Variants in CACNA1A observed in about 807,000 individuals in gnomAD.
The protein encoded by CACNA1A is voltage-dependent P/Q-type calcium channel subunit alpha-1A.
CACNA1A carries 57 observed loss-of-function variants against 262.4 expected under a neutral mutation model. That is an observed-to-expected ratio of 0.22 (90% CI 0.18 to 0.27). CACNA1A has a LOEUF of 0.27. CACNA1A is among the 10% of genes least tolerant of loss of function. CACNA1A has a pLI of 1.00. For synonymous variants in CACNA1A, 1,431 were observed against 1,419.3 expected, an observed-to-expected ratio of 1.01 and a Z score of -0.18; for missense variants, 2,526 against 3,562.8, an observed-to-expected ratio of 0.71 and a Z score of 7.41.
At chr19:13,343,115 CT>C (rs956703784) in intron 6 of CACNA1A, among the ~76,000 whole-genome samples, 1 of 145,550 alleles carries the variant, frequency 6.9e-6, no homozygotes, top group Non-Finnish European at 1.5e-5. Context: ...GTCTTTCTTT[CT>C]TTTTTTTCTT....
At chr19:13,262,484 G>T (rs1385758728) in intron 25 of CACNA1A, 2 of 435,478 alleles carry the variant, frequency 4.6e-6, no homozygotes, top group Non-Finnish European at 8.3e-6. Flanking sequence ...TGCGAATTAG[G>T]AAAAAGGATC....
intron 38 of CACNA1A, among the ~76,000 whole-genome samples, chr19:13,218,141 A>G (rs930593241): frequency 6.6e-6 from 1 of 151,952 alleles, no homozygotes; most frequent in African/African-American, 2.4e-5. Context: ...CCCAGGCTGG[A>G]GTGCAATGGT....
chr19:13,444,994 C>A (rs998253802), intron 3 of CACNA1A, among the ~76,000 whole-genome samples: 1 of 151,854 alleles, frequency 6.6e-6, no homozygotes, highest in Non-Finnish European at 1.5e-5. Flanking sequence ...AAAAAAATTA[C>A]CCGGGCTTGG....
At position 13,214,806 on chromosome 19, in the gene CACNA1A, G is replaced by A. The variant is rs1188397388; in HGVS notation, c.5732-198C>T. ...AATGACCTTGTGGGCTCTGGTTTTC[G>A]GTGGGGCCAGGACCATGGAGCAGCT... On this transcript the variant is annotated intron_variant, in intron 38 of 46. Transcript: ENST00000360228. The surrounding 1 kb of genome is among the most constrained non-coding windows in gnomAD (Gnocchi z 4.1). The A allele has an allele frequency of 5.0e-6, 3 of 595,080 alleles. No homozygotes were observed. The highest frequency in any genetic ancestry group is 2.9e-5 in the Admixed American group (1 of 34,062). The allele number at this position is 595,080 out of a possible 1,614,324, so 36.9% of individuals were successfully genotyped here.
At chr19:13,447,578 G>A (rs1283957785) in intron 3 of CACNA1A, among the ~76,000 whole-genome samples, 1 of 152,216 alleles carries the variant, frequency 6.6e-6, no homozygotes, top group East Asian at 1.9e-4. Flanking sequence ...AAAGTCCCAC[G>A]ATAGCCCATC....
chr19:13,386,742 G>C (rs549382607), intron 3 of CACNA1A, among the ~76,000 whole-genome samples: 1 of 151,974 alleles, frequency 6.6e-6, no homozygotes, highest in South Asian at 2.1e-4. Flanking sequence ...GCAGTGAGCC[G>C]AGATCATGCC....
intron 1 of CACNA1A, among the ~76,000 whole-genome samples, chr19:13,496,993 T>A (rs1400032870): frequency 6.6e-6 from 1 of 152,110 alleles, no homozygotes; most frequent in East Asian, 1.9e-4. Context: ...TTGCCCAAGA[T>A]CACGCAGCCA....
intron 3 of CACNA1A, among the ~76,000 whole-genome samples, chr19:13,376,657 ATAAT>A (rs975500148): frequency 1.9e-3 from 254 of 135,928 alleles, no homozygotes; most frequent in African/African-American, 7.2e-3. Flanking sequence ...TACACTACAC[ATAAT>A]ATATGTTATA....
chr19:13,499,027 G>T (rs2145164076), intron 1 of CACNA1A, among the ~76,000 whole-genome samples: 1 of 152,192 alleles, frequency 6.6e-6, no homozygotes, highest in African/African-American at 2.4e-5. Flanking sequence ...ATTTTTTTAG[G>T]GAGTGAGGAG....
chr19:13,450,645 T>C (rs988052050), intron 3 of CACNA1A: 1 of 152,224 alleles, frequency 6.6e-6, no homozygotes, highest in Non-Finnish European at 1.5e-5. Context: ...GTTCAATAAA[T>C]AGTCATTGAA....
At chr19:13,387,721 C>G (rs2059639944) in intron 3 of CACNA1A, among the ~76,000 whole-genome samples, 2 of 152,132 alleles carry the variant, frequency 1.3e-5, no homozygotes, top group African/African-American at 4.8e-5. Context: ...GCTGGAGAGA[C>G]CTCATGAAGA....
At chr19:13,438,996 C>T (rs972831891) in intron 3 of CACNA1A, among the ~76,000 whole-genome samples, 1 of 152,060 alleles carries the variant, frequency 6.6e-6, no homozygotes, top group Non-Finnish European at 1.5e-5. Flanking sequence ...GCCTTGGCCT[C>T]CCAAAGTGCT....
chr19:13,263,480 CAA>C (rs1211116676), intron 24 of CACNA1A: 1 of 151,374 alleles, frequency 6.6e-6, no homozygotes, highest in Non-Finnish European at 1.5e-5. Flanking sequence ...CAGCTATTTT[CAA>C]AAAAGCCCTT....
At chr19:13,229,887 G>T in intron 36 of CACNA1A, 195 bp downstream of exon 36, 1 of 573,852 alleles carries the variant, frequency 1.7e-6, no homozygotes, top group South Asian at 3.3e-5. Flanking sequence ...TTTGGGCAGG[G>T]TTGGCACCCT....
chr19:13,385,432 G>A (rs562435190), intron 3 of CACNA1A, among the ~76,000 whole-genome samples: 230 of 152,150 alleles, frequency 1.5e-3, no homozygotes, highest in Middle Eastern at 3.4e-3. Context: ...GTTTCACCAT[G>A]TTGGTCAGGC....
chr19:13,313,071 G>A (rs964876490), intron 11 of CACNA1A, among the ~76,000 whole-genome samples: 3 of 151,780 alleles, frequency 2.0e-5, no homozygotes, highest in Non-Finnish European at 2.9e-5. Flanking sequence ...ATGTTGCCCT[G>A]GCTGGTCTTG....
chr19:13,505,873 G>T, intron 1 of CACNA1A, 59 bp downstream of exon 1: 2 of 1,532,998 alleles, frequency 1.3e-6, no homozygotes, highest in Non-Finnish European at 1.8e-6. Context: ...CCTGGAAGAG[G>T]GGAGGCGGAG....
Position 13,255,077 on chromosome 19 carries a change from C to G in CACNA1A, c.4755+18G>C. On this transcript the variant is annotated intron_variant, in intron 29 of 46. Coordinates refer to ENST00000360228, the MANE Select transcript of CACNA1A (RefSeq NM_001127222.2). ...GGTGGGGGTTAAGTAGTGCTGGGGG[C>G]TGGTGTGGGGCACTTACCTTCATCA... The G allele has an allele frequency of 6.2e-7, 1 of 1,612,776 alleles. No homozygotes were observed. The highest frequency in any genetic ancestry group is 8.5e-7 in the Non-Finnish European group (1 of 1,179,080).
chr19:13,481,925 G>A (rs1979368737), intron 1 of CACNA1A, among the ~76,000 whole-genome samples: 1 of 151,974 alleles, frequency 6.6e-6, no homozygotes, highest in East Asian at 1.9e-4. Context: ...CTTGCCAGGG[G>A]CACAGACTGC....
Sources: gnomAD v4.1 joint callset for allele counts (sites outside exome capture counted in the v4.1 genomes callset) on GRCh38, gnomAD v4.1.1 for gene constraint, Gnocchi (gnomAD v3.1) non-coding constraint, MANE v1.5 for transcripts, NCBI Gene and HGNC (gene_info 2026-07-23, HGNC 2026-07-21) for gene names.